SLC4A4: variants seen among roughly 807,000 people sequenced by gnomAD.
The protein encoded by SLC4A4 is solute carrier family 4 member 4.
SLC4A4 carries 27 observed loss-of-function variants against 111.5 expected under a neutral mutation model. The ratio of observed to expected loss-of-function variants is 0.24; its 90% CI spans 0.18 to 0.33. The LOEUF (loss-of-function observed/expected upper bound fraction) is 0.33, where lower values mean the gene tolerates loss of function less well. Ranked by LOEUF, SLC4A4 falls within the 10% of genes least tolerant of loss-of-function variation. SLC4A4 has a pLI of 1.00. For synonymous variants in SLC4A4, 443 were observed against 463.4 expected (o/e 0.96, Z 0.57); for missense variants, 909 against 1,315.5 (o/e 0.69, Z 4.78).
chr4:71,436,355 C>A (rs535018181), intron 7 of SLC4A4, among the ~76,000 whole-genome samples: 3 of 152,048 alleles, frequency 2.0e-5, no homozygotes, highest in Non-Finnish European at 2.9e-5. Context: ...GGGAGTTGAA[C>A]AATGAGAACA....
intron 6 of SLC4A4, among the ~76,000 whole-genome samples, chr4:71,380,550 G>T (rs1306437596): frequency 1.3e-5 from 2 of 152,182 alleles, no homozygotes; most frequent in African/African-American, 4.8e-5. Context: ...AAAGAGAATG[G>T]CTGCTCCATG....
intron 16 of SLC4A4, among the ~76,000 whole-genome samples, chr4:71,508,926 C>G (rs908938673): frequency 6.6e-6 from 1 of 152,184 alleles, no homozygotes; most frequent in African/African-American, 2.4e-5. Context: ...GGCTTCATCT[C>G]TGGGATGCAA....
intron 3 of SLC4A4, among the ~76,000 whole-genome samples, chr4:71,315,954 A>G (rs994889821): frequency 1.3e-5 from 2 of 152,154 alleles, no homozygotes; most frequent in Admixed American, 6.6e-5. Flanking sequence ...ACTTTGTTGC[A>G]TAAGAAACCA....
At chr4:71,068,523 A>T in intron 1 of SLC4A4, among the ~76,000 whole-genome samples, 1 of 151,338 alleles carries the variant, frequency 6.6e-6, no homozygotes, top group East Asian at 1.9e-4. Flanking sequence ...GATTTTCATC[A>T]CCATACATTA....
At chr4:71,232,105 C>T (rs111237531) in intron 1 of SLC4A4, among the ~76,000 whole-genome samples, 53 of 152,288 alleles carry the variant, frequency 3.5e-4, no homozygotes, top group African/African-American at 1.1e-3. Flanking sequence ...TTATATTTTC[C>T]ATTTGCCTCA....
chr4:71,080,383 G>T (rs1741959784), intron 1 of SLC4A4, among the ~76,000 whole-genome samples: 1 of 152,000 alleles, frequency 6.6e-6, no homozygotes, highest in Non-Finnish European at 1.5e-5. Context: ...GATCTCTCAG[G>T]GAAGAAGGCA....
chr4:71,493,033 C>T (rs1384036827), intron 15 of SLC4A4, among the ~76,000 whole-genome samples: 6 of 151,726 alleles, frequency 4.0e-5, no homozygotes, highest in East Asian at 3.9e-4. Flanking sequence ...AGGTTACATT[C>T]GTTCATTCAT....
intron 3 of SLC4A4, among the ~76,000 whole-genome samples, chr4:71,332,103 A>G (rs1338767914): frequency 6.6e-6 from 1 of 151,972 alleles, no homozygotes; most frequent in African/African-American, 2.4e-5. Flanking sequence ...ATTTTTGTTT[A>G]TCTTTTCAAA....
intron 19 of SLC4A4, among the ~76,000 whole-genome samples, chr4:71,547,131 G>A (rs1298630989): frequency 1.3e-5 from 2 of 151,882 alleles, no homozygotes; most frequent in East Asian, 1.9e-4. Context: ...TGGGGAGGGG[G>A]TGTAGGATGG....
intron 2 of SLC4A4, among the ~76,000 whole-genome samples, chr4:71,181,807 C>T (rs1008331267): frequency 6.6e-6 from 1 of 152,110 alleles, no homozygotes; most frequent in Non-Finnish European, 1.5e-5. Flanking sequence ...TTCCTTGACC[C>T]CCCCACTTGA....
intron 15 of SLC4A4, 89 bp from the exon 16 acceptor site, chr4:71,497,412 G>A: frequency 9.4e-7 from 1 of 1,064,260 alleles, no homozygotes; most frequent in Admixed American, 2.0e-5. Flanking sequence ...AGAAACTTTT[G>A]GTATAATTCC....
intron 1 of SLC4A4, among the ~76,000 whole-genome samples, chr4:71,198,574 T>C (rs901587983): frequency 6.7e-6 from 1 of 150,022 alleles, no homozygotes; most frequent in Non-Finnish European, 1.5e-5. Flanking sequence ...TCTTGAACAA[T>C]GAAGTGTAAA....
intron 9 of SLC4A4, among the ~76,000 whole-genome samples, chr4:71,449,815 G>T (rs182302877): frequency 9.8e-5 from 15 of 152,318 alleles, no homozygotes; most frequent in Admixed American, 7.8e-4. Flanking sequence ...GCATTAGATG[G>T]TTTAGTTGTT....
intron 3 of SLC4A4, 135 bp from the exon 4 acceptor site, chr4:71,339,235 G>A: frequency 6.2e-7 from 1 of 1,614,182 alleles, no homozygotes; most frequent in Non-Finnish European, 8.5e-7. Context: ...GATTTGGGAG[G>A]CTTAGCAGGA....
At chr4:71,402,667 A>T (rs76568543) in intron 7 of SLC4A4, among the ~76,000 whole-genome samples, 3,801 of 152,340 alleles carry the variant, frequency 0.025, 159 homozygotes, top group East Asian at 0.15. Flanking sequence ...TGTTGTGAGA[A>T]GGTAGTTAGG....
intron 6 of SLC4A4, among the ~76,000 whole-genome samples, chr4:71,368,116 C>A (rs1352212609): frequency 1.3e-5 from 2 of 152,122 alleles, no homozygotes; most frequent in African/African-American, 4.8e-5. Flanking sequence ...GATAATTATG[C>A]CGTCTCTATT....
chr4:71,359,819 A>G (rs1009452618), intron 6 of SLC4A4, among the ~76,000 whole-genome samples: 16 of 152,216 alleles, frequency 1.1e-4, no homozygotes, highest in Non-Finnish European at 1.8e-4. Flanking sequence ...TGTAAAGCTT[A>G]GATAAATTTG....
chr4:71,560,352 T>TAAG, intron 23 of SLC4A4, 98 bp downstream of exon 23: 1 of 1,321,240 alleles, frequency 7.6e-7, no homozygotes, highest in East Asian at 2.5e-5. Flanking sequence ...GGCTGAGTTC[T>TAAG]AAGAATGTTT....
At chr4:71,310,202 G>A (rs540869269) in intron 3 of SLC4A4, among the ~76,000 whole-genome samples, 7 of 152,102 alleles carry the variant, frequency 4.6e-5, no homozygotes, top group East Asian at 3.9e-4. Flanking sequence ...CCAAACCTAT[G>A]ATTGATTGGG....
Sources: allele counts gnomAD v4.1 joint callset (sites outside exome capture counted in the v4.1 genomes callset), GRCh38; gene constraint gnomAD v4.1.1; transcripts MANE v1.5; gene names NCBI Gene and HGNC (gene_info 2026-07-23, HGNC 2026-07-21).